The following GALNTL6 variants were observed in gnomAD, a reference collection of about 807,000 sequenced individuals.
GALNTL6 encodes polypeptide N-acetylgalactosaminyltransferase-like 6.
GALNTL6 carries 46 observed loss-of-function variants against 73.7 expected under a neutral mutation model. The ratio of observed to expected loss-of-function variants is 0.62; its 90% CI spans 0.49 to 0.80. The LOEUF is 0.80. GALNTL6 is among the 30% of genes least tolerant of loss of function. The probability of loss-of-function intolerance (pLI) is 0.00; values close to 1 mark genes in which losing one functional copy is unlikely to be tolerated. For synonymous variants in GALNTL6, 259 were observed against 263.7 expected, an observed-to-expected ratio of 0.98 and a Z score of 0.17; for missense variants, 604 against 755.0, an observed-to-expected ratio of 0.80 and a Z score of 2.34.
intron 5 of GALNTL6, among the ~76,000 whole-genome samples, chr4:172,454,829 G>T (rs1217908297): frequency 6.6e-6 from 1 of 151,990 alleles, no homozygotes; most frequent in South Asian, 2.1e-4. Context: ...CCCATTGCTA[G>T]CTCCAAGTGA....
chr4:172,832,050 T>C (rs1410360531), intron 7 of GALNTL6, among the ~76,000 whole-genome samples: 3 of 152,186 alleles, frequency 2.0e-5, no homozygotes, highest in Non-Finnish European at 2.9e-5. Flanking sequence ...TATTTTCCTC[T>C]GAGTCGGGAG....
At chr4:172,940,037 A>G (rs1372448181) in intron 9 of GALNTL6, among the ~76,000 whole-genome samples, 2 of 152,188 alleles carry the variant, frequency 1.3e-5, no homozygotes, top group Non-Finnish European at 2.9e-5. Context: ...GATTTTTTTC[A>G]TATCAAACAT....
intron 12 of GALNTL6, among the ~76,000 whole-genome samples, chr4:173,028,538 C>T (rs1196313434): frequency 2.0e-5 from 3 of 152,108 alleles, no homozygotes; most frequent in Non-Finnish European, 4.4e-5. Context: ...ATTATACATA[C>T]TTAGCCCCCT....
intron 2 of GALNTL6, among the ~76,000 whole-genome samples, chr4:172,062,845 C>A (rs1161087779): frequency 3.9e-5 from 6 of 152,186 alleles, no homozygotes; most frequent in Admixed American, 3.9e-4. Context: ...ATGAGTAACC[C>A]TTCCCTGCCT....
At chr4:172,273,105 C>T (rs1738711664) in intron 3 of GALNTL6, among the ~76,000 whole-genome samples, 1 of 152,056 alleles carries the variant, frequency 6.6e-6, no homozygotes, top group Non-Finnish European at 1.5e-5. Flanking sequence ...GTTCCTTATC[C>T]TCAAACACAT....
chr4:172,897,955 A>T (rs1746416227), intron 8 of GALNTL6, among the ~76,000 whole-genome samples: 1 of 152,212 alleles, frequency 6.6e-6, no homozygotes, highest in Non-Finnish European at 1.5e-5. Flanking sequence ...CAGGGAGGAA[A>T]CTTGGTATTC....
intron 9 of GALNTL6, among the ~76,000 whole-genome samples, chr4:172,942,211 T>C (rs114972182): frequency 6.6e-6 from 1 of 152,252 alleles, no homozygotes; most frequent in African/African-American, 2.4e-5. Flanking sequence ...TGGACAGATA[T>C]AATTTGTAAT....
At chr4:172,363,698 T>G (rs1477425642) in intron 5 of GALNTL6, among the ~76,000 whole-genome samples, 1 of 152,184 alleles carries the variant, frequency 6.6e-6, no homozygotes, top group African/African-American at 2.4e-5. Context: ...AGTCAGAAAA[T>G]TATTATAGGT....
At chr4:172,292,049 A>G (rs1739495140) in intron 3 of GALNTL6, among the ~76,000 whole-genome samples, 1 of 152,162 alleles carries the variant, frequency 6.6e-6, no homozygotes, top group South Asian at 2.1e-4. Context: ...CATTCATTGT[A>G]TAAATTAAAA....
intron 9 of GALNTL6, among the ~76,000 whole-genome samples, chr4:172,938,378 A>G (rs750023191): frequency 1.7e-4 from 26 of 152,198 alleles, no homozygotes; most frequent in Non-Finnish European, 2.8e-4. Context: ...ATTGTTGACC[A>G]TGGTGTCAGC....
At chr4:171,959,922 A>G (rs1739171936) in intron 2 of GALNTL6, among the ~76,000 whole-genome samples, 1 of 152,236 alleles carries the variant, frequency 6.6e-6, no homozygotes, top group African/African-American at 2.4e-5. Context: ...TTTTAGTCAG[A>G]GCTTAAAAAG....
rs147719504 is a variant in GALNTL6 at position 172,720,215 on chromosome 4, C to T, written c.554-89146C>T. On this transcript the variant is annotated intron_variant, in intron 5 of 12. Coordinates refer to ENST00000506823, the MANE Select transcript of GALNTL6 (RefSeq NM_001034845.3). ...TTCAGCTAATGACGGGGTCCTTGTCCGTCCAATGGCCATGAAAATTTAGGC... is the reference window on the plus strand; with the variant it reads ...TTCAGCTAATGACGGGGTCCTTGTCTGTCCAATGGCCATGAAAATTTAGGC... 3.9e-5 allele frequency among the ~76,000 whole-genome samples: 6 copies of T among 152,126 alleles called. No individual in the cohort carries two copies. The East Asian group carries it at 1.2e-3, about 29-fold the overall frequency.
chr4:172,442,742 A>G (rs1032388691), intron 5 of GALNTL6, among the ~76,000 whole-genome samples: 3 of 152,178 alleles, frequency 2.0e-5, no homozygotes, highest in Non-Finnish European at 2.9e-5. Flanking sequence ...TAAGCACTGC[A>G]CTTGTTACTT....
At chr4:172,384,105 G>A (rs1269591749) in intron 5 of GALNTL6, among the ~76,000 whole-genome samples, 2 of 152,090 alleles carry the variant, frequency 1.3e-5, no homozygotes, top group Non-Finnish European at 2.9e-5. Context: ...TGGTATCAAG[G>A]TAATACACAG....
At chr4:171,914,103 CA>C (rs1476404937) in intron 2 of GALNTL6, among the ~76,000 whole-genome samples, 3 of 152,020 alleles carry the variant, frequency 2.0e-5, no homozygotes, top group Non-Finnish European at 4.4e-5. Context: ...AAAACACTAA[CA>C]AAATCATCAA....
At chr4:172,082,837 T>C (rs960117530) in intron 2 of GALNTL6, among the ~76,000 whole-genome samples, 1 of 152,116 alleles carries the variant, frequency 6.6e-6, no homozygotes, top group African/African-American at 2.4e-5. Flanking sequence ...TCTATGAGCA[T>C]TGGTGGTGCT....
intron 3 of GALNTL6, among the ~76,000 whole-genome samples, chr4:172,231,882 A>G (rs557563383): frequency 6.6e-5 from 10 of 152,120 alleles, no homozygotes; most frequent in African/African-American, 1.9e-4. Flanking sequence ...TCCTGAATAA[A>G]CTTGTCTTTT....
chr4:173,017,324 G>A (rs555590499), intron 11 of GALNTL6, among the ~76,000 whole-genome samples: 10 of 152,286 alleles, frequency 6.6e-5, no homozygotes, highest in South Asian at 4.1e-4. Context: ...TTATTGTACA[G>A]GAAACCTGAA....
At chr4:172,513,783 T>C (rs1734508225) in intron 5 of GALNTL6, among the ~76,000 whole-genome samples, 1 of 152,142 alleles carries the variant, frequency 6.6e-6, no homozygotes, top group Non-Finnish European at 1.5e-5. Context: ...CTCTCAGCTG[T>C]GGATACCAGC....
Sources: gnomAD v4.1 joint callset for allele counts (sites outside exome capture counted in the v4.1 genomes callset) on GRCh38, gnomAD v4.1.1 for gene constraint, MANE v1.5 for transcripts, NCBI Gene and HGNC (gene_info 2026-07-23, HGNC 2026-07-21) for gene names.